HELB: variants seen among roughly 807,000 people sequenced by gnomAD.
The protein encoded by HELB is DNA 5'-3' helicase B.
In HELB, 96 loss-of-function variants were observed where a neutral mutation model predicts 101.7. The ratio of observed to expected loss-of-function variants is 0.94; its 90% CI spans 0.80 to 1.12. The LOEUF (loss-of-function observed/expected upper bound fraction) is 1.12, where lower values mean the gene tolerates loss of function less well. Ranked by LOEUF, HELB falls within the 50% of genes most tolerant of loss-of-function variation. HELB has a pLI of 0.00. For synonymous variants in HELB, 437 were observed against 459.7 expected (o/e 0.95, Z 0.63); for missense variants, 1,210 against 1,291.9 (o/e 0.94, Z 0.97).
intron 12 of HELB, among the ~76,000 whole-genome samples, 194 bp downstream of exon 12, chr12:66,331,839 T>G (rs2053813561): frequency 6.6e-6 from 1 of 152,210 alleles, no homozygotes; most frequent in South Asian, 2.1e-4. Context: ...CCTTTTCTCC[T>G]TCCCAGCCTC....
chr12:66,321,845 T>C, intron 7 of HELB, 103 bp from the exon 8 acceptor site: 1 of 594,716 alleles, frequency 1.7e-6, no homozygotes, highest in East Asian at 3.1e-5. Flanking sequence ...TGGTGAGATA[T>C]TTTCCCAGGG....
At chr12:66,313,430 T>C (rs750681182) in intron 4 of HELB, among the ~76,000 whole-genome samples, 6 of 152,174 alleles carry the variant, frequency 3.9e-5, no homozygotes, top group Non-Finnish European at 8.8e-5. Flanking sequence ...ATATTGAATG[T>C]TCTCTGGTTG....
At chr12:66,313,860 T>C in intron 4 of HELB, 126 bp from the exon 5 acceptor site, 1 of 739,004 alleles carries the variant, frequency 1.4e-6, no homozygotes, top group Admixed American at 2.4e-5. Flanking sequence ...CCTATAACTT[T>C]TGTGTTTCTT....
In HELB at chr12:66,318,791, T is replaced by C. The variant is rs1456102997; in HGVS notation, c.2154T>C (p.Ser718=). The C allele has an allele frequency of 1.9e-6, 3 of 1,599,264 alleles. No homozygotes were observed. The highest frequency in any genetic ancestry group is 1.7e-6 in the Non-Finnish European group (2 of 1,175,268). ...SSQSSKTNHH[S]CLYSAVKTLL... ...AGTCATCTAAAACTAATCATCACTC[T>C]TGTAAGTATAAACTTCTATGAGATG... Residue 718 remains serine, a splice_region_variant and synonymous_variant, in exon 7 of 13, where the codon TCT becomes TCC. Transcript: ENST00000247815.
rs771722939 is a variant in HELB, at chr12:66,302,780, G to A, written c.177G>A (p.Gly59=). 4.4e-6 allele frequency: 7 copies of A among 1,609,170 alleles called. No individual in the cohort carries two copies. In the South Asian group the frequency reaches 7.7e-5, roughly 18 times the overall value. ...GCGTAAAGGCTGGCAGCCTCCCCGG[G>A]TGCCTCCGCGGTGAGGAAGGCGTCT... ...SGGVKAGSLP[G]CLRVSICDEN... Residue 59 remains glycine (G), a synonymous_variant, in exon 1 of 13, where the codon GGG becomes GGA. Coordinates refer to ENST00000247815, the MANE Select transcript of HELB (RefSeq NM_001370285.1).
chr12:66,322,829 G>T, intron 9 of HELB, 46 bp downstream of exon 9: 1 of 1,293,664 alleles, frequency 7.7e-7, no homozygotes, highest in African/African-American at 1.5e-5. Context: ...GTCCTTCTTC[G>T]ATTTGCTGGT....
intron 6 of HELB, among the ~76,000 whole-genome samples, chr12:66,316,600 T>TAATAATAATAATAATAAG (rs869235542): frequency 1.4e-5 from 2 of 141,426 alleles, no homozygotes; most frequent in African/African-American, 5.0e-5. Flanking sequence ...ATAATAATAA[T>TAATAATAATAATAATAAG]AAGCCAGGTG....
At chr12:66,313,321 T>A (rs565767689) in intron 4 of HELB, among the ~76,000 whole-genome samples, 46 of 152,160 alleles carry the variant, frequency 3.0e-4, no homozygotes, top group African/African-American at 1.0e-3. Context: ...GCTCAAAAAG[T>A]TAAGGATTTT....
rs2053637012 is a variant in HELB at position 66,318,696 on chromosome 12, A to G, written c.2059A>G (p.Thr687Ala). ...DAELNISDNPTLPISIQDKTF... is the reference protein window; with the variant it reads ...DAELNISDNPALPISIQDKTF... ...AGAACTAAATATCTCTGATAATCCAACATTACCCATCTCAATTCAAGATAA... is the reference window on the plus strand; with the variant it reads ...AGAACTAAATATCTCTGATAATCCAGCATTACCCATCTCAATTCAAGATAA... The change falls in exon 7 of 13, where the codon ACA (threonine) becomes GCA (alanine). Residue 687 changes from threonine to alanine, a missense_variant. Coordinates refer to ENST00000247815, the MANE Select transcript of HELB (RefSeq NM_001370285.1). The G allele has an allele frequency of 7.5e-6, 12 of 1,608,960 alleles. No homozygotes were observed. Among genetic ancestry groups the G allele is most frequent in the Admixed American group, 1.7e-5 (1 of 58,566 alleles).
intron 4 of HELB, among the ~76,000 whole-genome samples, chr12:66,311,176 T>C (rs1024178974): frequency 1.3e-5 from 2 of 150,250 alleles, no homozygotes; most frequent in Non-Finnish European, 3.0e-5. Context: ...AAAAAACCTA[T>C]TGGGTTCAGT....
chr12:66,327,340 G>T (rs1338972989), intron 11 of HELB, among the ~76,000 whole-genome samples: 2 of 151,844 alleles, frequency 1.3e-5, no homozygotes, highest in African/African-American at 4.8e-5. Context: ...CTTTTTCTCA[G>T]TTTCCTCTGT....
chr12:66,314,258 T>A (rs911640312), intron 5 of HELB, 95 bp downstream of exon 5: 1 of 1,076,022 alleles, frequency 9.3e-7, no homozygotes, highest in Non-Finnish European at 1.4e-6. Flanking sequence ...TACACCAGAA[T>A]TGATACCAAA....
In HELB at chr12:66,305,097, G is replaced by A; in HGVS notation, c.554G>A (p.Gly185Asp). 6.3e-7 allele frequency: 1 copy of A among 1,594,820 alleles called. No individual in the cohort carries two copies. The highest frequency in any genetic ancestry group is 8.5e-7 in the Non-Finnish European group (1 of 1,174,412). ...RKDQKQPTQN[G>D]QEELFLDNEM... Reference sequence around the variant, plus strand: ...GATCAAAAGCAGCCTACACAGAATGGTCAGGAAGAGTTGTTCCTAGACAAT... The same window carrying A: ...GATCAAAAGCAGCCTACACAGAATGATCAGGAAGAGTTGTTCCTAGACAAT... The change falls in exon 2 of 13, where the codon GGT becomes GAT. Residue 185 changes from glycine (G) to aspartate (D), a missense_variant. Gly to Asp is a moderately conservative substitution (Grantham distance 94). Coordinates refer to ENST00000247815, the MANE Select transcript of HELB (RefSeq NM_001370285.1).
At chr12:66,303,128 G>A (rs931760776) in intron 1 of HELB, among the ~76,000 whole-genome samples, 11 of 140,872 alleles carry the variant, frequency 7.8e-5, no homozygotes, top group Non-Finnish European at 1.2e-4. Context: ...TCATTTTAAT[G>A]GTCGTCCTTT....
rs113999529 is a variant in HELB at position 66,302,526 on chromosome 12, G to A, written c.-78G>A. On this transcript the variant is annotated 5_prime_UTR_variant, in exon 1 of 13. Transcript: ENST00000247815. Reference sequence around the variant, plus strand: ...CCCGGAAGTTGATGGCCTTACAGTCGTAGAACTGATTGGCTGATCATGACC... The same window carrying A: ...CCCGGAAGTTGATGGCCTTACAGTCATAGAACTGATTGGCTGATCATGACC... The A allele has an allele frequency of 2.0e-4, 277 of 1,416,906 alleles. 2 individuals are homozygous for A. In the African/African-American group the frequency reaches 3.4e-3, roughly 18 times the overall value. The allele number at this position is 1,416,906 out of a possible 1,614,324, so 87.8% of individuals were successfully genotyped here.
At chr12:66,317,992 A>G (rs922342304) in intron 6 of HELB, among the ~76,000 whole-genome samples, 2 of 152,192 alleles carry the variant, frequency 1.3e-5, no homozygotes, top group African/African-American at 4.8e-5. Flanking sequence ...ATGATTTGCT[A>G]GCCTCGGAAA....
In HELB at chr12:66,321,964, TA is replaced by T; in HGVS notation, c.2176del (p.Thr726LeufsTer26). ...AATTATTAGGTTTATATTCTGCAGT[TA>T]AAACTTTACTACAAGAAAATAACTT... ...NHHSCLYSAV[K>X]TLLQENNLQN... On this transcript the variant is annotated frameshift_variant, in exon 8 of 13. Coordinates refer to ENST00000247815, the MANE Select transcript of HELB (RefSeq NM_001370285.1). LOFTEE classifies it high-confidence loss of function. The T allele has an allele frequency of 2.6e-6, 3 of 1,163,990 alleles. No individual in the cohort carries two copies. Among genetic ancestry groups the T allele is most frequent in the East Asian group, 2.6e-5 (1 of 38,256 alleles). 72.1% of individuals were successfully genotyped at this position (1,163,990 alleles called of 1,614,324 possible).
chr12:66,317,105 G>C (rs1198811567), intron 6 of HELB, among the ~76,000 whole-genome samples: 5 of 151,942 alleles, frequency 3.3e-5, no homozygotes, highest in Admixed American at 6.6e-5. Context: ...GCTGAGACAG[G>C]AGAATCGCTT....
intron 12 of HELB, among the ~76,000 whole-genome samples, chr12:66,336,471 G>C (rs2053867218): frequency 6.6e-6 from 1 of 152,300 alleles, no homozygotes; most frequent in South Asian, 2.1e-4. Context: ...TTAAGTGCTG[G>C]CAGCAGACTT....
Sources: allele counts gnomAD v4.1 joint callset (sites outside exome capture counted in the v4.1 genomes callset), GRCh38; gene constraint gnomAD v4.1.1; transcripts MANE v1.5; gene names NCBI Gene and HGNC (gene_info 2026-07-23, HGNC 2026-07-21).